Variants in SNX29 observed in about 807,000 individuals in gnomAD.
SNX29 encodes the protein sorting nexin-29.
In SNX29, 78 loss-of-function variants were observed where a neutral mutation model predicts 102.1. The ratio of observed to expected loss-of-function variants is 0.76; its 90% CI spans 0.64 to 0.92. SNX29 has a LOEUF of 0.92. SNX29 is among the 40% of genes least tolerant of loss of function. SNX29 has a pLI of 0.00. For missense variants in SNX29, 1,280 were observed against 1,061.7 expected, an observed-to-expected ratio of 1.21 and a Z score of -2.86; for synonymous variants, 580 against 414.5, an observed-to-expected ratio of 1.40 and a Z score of -4.85.
intron 13 of SNX29, among the ~76,000 whole-genome samples, chr16:12,141,258 T>C (rs886066222): frequency 6.6e-6 from 1 of 152,192 alleles, no homozygotes; most frequent in African/African-American, 2.4e-5. Context: ...CACAGGACGA[T>C]TGAAGTGTTG....
At chr16:12,004,528 T>C (rs1315551683) in intron 3 of SNX29, among the ~76,000 whole-genome samples, 1 of 152,112 alleles carries the variant, frequency 6.6e-6, no homozygotes, top group African/African-American at 2.4e-5. Context: ...ATCCTTGCTC[T>C]GTAGCCCCTG....
chr16:12,247,890 C>T (rs974410208), intron 14 of SNX29, among the ~76,000 whole-genome samples: 1 of 152,070 alleles, frequency 6.6e-6, no homozygotes, highest in Non-Finnish European at 1.5e-5. Context: ...AACTTTTATC[C>T]CAGAGAAAGG....
chr16:12,567,140 C>G (rs890879383), intron 20 of SNX29, among the ~76,000 whole-genome samples: 2 of 152,226 alleles, frequency 1.3e-5, no homozygotes. Context: ...ATTTGTGAAA[C>G]TGGGCTTGGA....
At position 12,568,582 on chromosome 16, in the gene SNX29, C is replaced by T. The variant is rs776873272; in HGVS notation, c.2395C>T (p.Gln799Ter). The change falls in exon 21 of 21, where the codon CAG becomes TAG. Residue 799 changes from glutamine (Q) to a stop codon, truncating the protein, a stop_gained. Coordinates refer to ENST00000566228, the MANE Select transcript of SNX29 (RefSeq NM_032167.5). LOFTEE classifies it high-confidence loss of function. ...CCGCTTCCCCAAACTGTCCCGGGGT[C>T]AGCCCCGGGAGACCCGCAACGTGGA... The part of the protein sequence containing the change: ...ASRFPKLSRG[Q>*]PRETRNVEPQ... The T allele has an allele frequency of 6.2e-7, 1 of 1,607,274 alleles. No individual in the cohort carries two copies. Among genetic ancestry groups the T allele is most frequent in the Non-Finnish European group, 8.5e-7 (1 of 1,179,830 alleles).
intron 11 of SNX29, among the ~76,000 whole-genome samples, chr16:12,107,350 T>TTC: frequency 6.9e-6 from 1 of 145,674 alleles, no homozygotes; most frequent in East Asian, 2.0e-4. Flanking sequence ...TTTTTTTTTT[T>TTC]TTTTTTAAAA....
In SNX29 at chr16:12,002,776, A is replaced by G. The variant is rs143990557; in HGVS notation, c.70-215A>G. Reference sequence around the variant, plus strand: ...AGGCTTGCTTCTGTACAAGTGGGAGATAAGGGTTTCCTTTAAGTGGCAGCT... The same window carrying G: ...AGGCTTGCTTCTGTACAAGTGGGAGGTAAGGGTTTCCTTTAAGTGGCAGCT... On this transcript the variant is annotated intron_variant, in intron 2 of 20. Transcript: ENST00000566228. 1.1e-3 allele frequency among the ~76,000 whole-genome samples: 163 copies of G among 152,330 alleles called. 1 individual carries two copies. Among genetic ancestry groups the G allele is most frequent in the African/African-American group, 3.8e-3 (160 of 41,584 alleles).
chr16:12,570,087 G>C lies in SNX29; in HGVS notation c.*1458G>C. 3 of 823,070 alleles carry C rather than the reference G, an allele frequency of 3.6e-6. No homozygotes were observed. The highest frequency in any genetic ancestry group is 4.6e-6 in the Non-Finnish European group (3 of 658,740). The allele number at this position is 823,070 out of a possible 1,614,324, so 51.0% of individuals were successfully genotyped here. A position where few individuals can be genotyped will look rare whatever the true frequency, so the allele number is the denominator to read the frequency against. On this transcript the variant is annotated 3_prime_UTR_variant, in exon 21 of 21. Transcript: ENST00000566228. Reference sequence around the variant, plus strand: ...GAATCATCTGGAAGGTTTATACTGTGCCTTCCCCTCGTAGCAAAAAGGAAG... The same window carrying C: ...GAATCATCTGGAAGGTTTATACTGTCCCTTCCCCTCGTAGCAAAAAGGAAG...
chr16:12,408,654 C>A (rs1328754365), intron 18 of SNX29, among the ~76,000 whole-genome samples: 1 of 152,150 alleles, frequency 6.6e-6, no homozygotes, highest in Non-Finnish European at 1.5e-5. Context: ...AACCCCATCT[C>A]TACTAAAAAT....
intron 13 of SNX29, among the ~76,000 whole-genome samples, chr16:12,163,612 G>C (rs1419211376): frequency 1.3e-5 from 2 of 152,186 alleles, no homozygotes; most frequent in African/African-American, 4.8e-5. Context: ...GTGGCAACAG[G>C]AGACTAGAAA....
chr16:12,054,824 C>T (rs987050113), intron 8 of SNX29, among the ~76,000 whole-genome samples: 1 of 152,214 alleles, frequency 6.6e-6, no homozygotes, highest in Admixed American at 6.5e-5. Context: ...ACGCAGTTGC[C>T]TTTCAGTCAG....
chr16:12,102,777 G>A (rs1299933135), intron 11 of SNX29, among the ~76,000 whole-genome samples: 1 of 152,206 alleles, frequency 6.6e-6, no homozygotes, highest in East Asian at 1.9e-4. Flanking sequence ...AATTGTCTCT[G>A]TTTGCAGATG....
At chr16:12,524,628 C>A in intron 19 of SNX29, 74 bp from the exon 20 acceptor site, 1 of 1,519,886 alleles carries the variant, frequency 6.6e-7, no homozygotes, top group East Asian at 2.4e-5. Context: ...GATGGGTGAT[C>A]GCCTGTTCTA....
intron 20 of SNX29, among the ~76,000 whole-genome samples, chr16:12,541,938 C>G (rs750734166): frequency 1.1e-4 from 16 of 152,168 alleles, no homozygotes; most frequent in Admixed American, 9.2e-4. Flanking sequence ...ACATCCTGGG[C>G]CCACACAAGA....
intron 20 of SNX29, among the ~76,000 whole-genome samples, chr16:12,566,683 G>A (rs567846765): frequency 3.4e-4 from 34 of 100,710 alleles, no homozygotes; most frequent in African/African-American, 1.4e-3. Flanking sequence ...GGGATAAAGA[G>A]GCTCTTCGTA....
At chr16:12,392,483 C>T (rs1218252410) in intron 16 of SNX29, among the ~76,000 whole-genome samples, 1 of 152,132 alleles carries the variant, frequency 6.6e-6, no homozygotes, top group African/African-American at 2.4e-5. Flanking sequence ...TTTACATCTG[C>T]CTGTCTGTCC....
intron 8 of SNX29, among the ~76,000 whole-genome samples, chr16:12,059,792 C>G (rs532992427): frequency 1.3e-5 from 2 of 152,288 alleles, no homozygotes; most frequent in South Asian, 4.1e-4. Flanking sequence ...TAGAGTAGCT[C>G]TAACATAAAG....
intron 20 of SNX29, among the ~76,000 whole-genome samples, chr16:12,534,920 C>G (rs553455233): frequency 1.3e-5 from 2 of 152,276 alleles, no homozygotes; most frequent in South Asian, 2.1e-4. Context: ...ACTGAGCATC[C>G]TACACCTCAC....
intron 15 of SNX29, among the ~76,000 whole-genome samples, chr16:12,351,325 G>T (rs2081986800): frequency 6.6e-6 from 1 of 152,200 alleles, no homozygotes; most frequent in African/African-American, 2.4e-5. Flanking sequence ...CACAACCAGA[G>T]TAAACTGGGC....
chr16:12,565,643 T>A (rs148379967), intron 20 of SNX29, among the ~76,000 whole-genome samples: 2 of 152,210 alleles, frequency 1.3e-5, no homozygotes, highest in East Asian at 1.9e-4. Flanking sequence ...GTGACACATA[T>A]AGCCTCGTGA....
Sources: gnomAD v4.1 joint callset for allele counts (sites outside exome capture counted in the v4.1 genomes callset) on GRCh38, gnomAD v4.1.1 for gene constraint, MANE v1.5 for transcripts, NCBI Gene and HGNC (gene_info 2026-07-23, HGNC 2026-07-21) for gene names.